SGK1: variants seen among roughly 807,000 people sequenced by gnomAD.
The protein encoded by SGK1 is serum/glucocorticoid regulated kinase 1.
In SGK1, 26 loss-of-function variants were observed where a neutral mutation model predicts 64.2. That is an observed-to-expected ratio of 0.40 (90% CI 0.30 to 0.56). SGK1 has a LOEUF of 0.56. Ranked by LOEUF, SGK1 falls within the 20% of genes least tolerant of loss-of-function variation. SGK1 has a pLI of 0.38. For synonymous variants in SGK1, 265 were observed against 239.7 expected (o/e 1.11, Z -0.98); for missense variants, 519 against 645.6 (o/e 0.80, Z 2.12).
chr6:134,312,552 C>A (rs1011958488), intron 1 of SGK1, among the ~76,000 whole-genome samples: 18 of 152,128 alleles, frequency 1.2e-4, no homozygotes, highest in Non-Finnish European at 2.9e-5. Context: ...CATTTCACTT[C>A]TCTGAACTTC....
chr6:134,190,080 C>T (rs1351352202), intron 3 of SGK1, among the ~76,000 whole-genome samples: 3 of 152,176 alleles, frequency 2.0e-5, no homozygotes, highest in Non-Finnish European at 4.4e-5. Context: ...AAACTCCTGA[C>T]CTCAAGTGAT....
intron 3 of SGK1, among the ~76,000 whole-genome samples, chr6:134,205,417 G>A (rs574451184): frequency 1.3e-5 from 2 of 151,538 alleles, no homozygotes; most frequent in Non-Finnish European, 2.9e-5. Context: ...TAGACCGTAA[G>A]TCTGGTCTTT....
intron 2 of SGK1, among the ~76,000 whole-genome samples, chr6:134,230,907 G>T (rs1252886567): frequency 6.6e-6 from 1 of 152,098 alleles, no homozygotes; most frequent in Non-Finnish European, 1.5e-5. Context: ...CCAGCTACTC[G>T]GGAGGCTAAG....
chr6:134,304,158 C>A (rs758742306), intron 1 of SGK1, among the ~76,000 whole-genome samples: 3 of 152,184 alleles, frequency 2.0e-5, no homozygotes, highest in Non-Finnish European at 4.4e-5. Flanking sequence ...CTTTCTGGCT[C>A]AGCTCAACCA....
intron 1 of SGK1, among the ~76,000 whole-genome samples, chr6:134,290,774 C>G (rs1233146776): frequency 6.6e-6 from 1 of 152,186 alleles, no homozygotes; most frequent in Non-Finnish European, 1.5e-5. Flanking sequence ...TTCAGGCTCT[C>G]TGCTTGAGCC....
chr6:134,220,913 C>T (rs1776080667), intron 2 of SGK1, among the ~76,000 whole-genome samples: 1 of 148,806 alleles, frequency 6.7e-6, no homozygotes, highest in South Asian at 2.1e-4. Flanking sequence ...ACCCGGGAGG[C>T]AGAGGTTGCA....
chr6:134,232,038 CA>C (rs60207020), intron 2 of SGK1, among the ~76,000 whole-genome samples: 11,811 of 102,418 alleles, frequency 0.12, 679 homozygotes, highest in East Asian at 0.33. Flanking sequence ...GACTTCATCT[CA>C]AAAAAAAAAA....
rs147631090 is a variant in SGK1 at position 134,235,640 on chromosome 6, C to T, written c.285+26293G>A. On this transcript the variant is annotated intron_variant, in intron 2 of 13. Transcript: ENST00000367858. ...AGGCTGCAGGGCAATGGCACGAGCT[C>T]GGCTCACTGCAACCTCCACCTCCAG... 1.3e-4 allele frequency among the ~76,000 whole-genome samples: 19 copies of T among 151,676 alleles called. 1 individual carries two copies. The highest frequency in any genetic ancestry group is 1.1e-3 in the Admixed American group (16 of 15,210).
chr6:134,309,716 G>A (rs1777584072), intron 1 of SGK1, among the ~76,000 whole-genome samples: 1 of 152,122 alleles, frequency 6.6e-6, no homozygotes, highest in East Asian at 1.9e-4. Flanking sequence ...TTCATCCCCA[G>A]GTTGGTGAGG....
At chr6:134,300,821 G>A (rs1293474324) in intron 1 of SGK1, among the ~76,000 whole-genome samples, 2 of 151,438 alleles carry the variant, frequency 1.3e-5, no homozygotes, top group East Asian at 4.0e-4. Flanking sequence ...TTAGTAGAGA[G>A]GGGGGTTTCA....
chr6:134,209,751 A>T (rs2114688580), intron 2 of SGK1, among the ~76,000 whole-genome samples: 1 of 152,260 alleles, frequency 6.6e-6, no homozygotes, highest in African/African-American at 2.4e-5. Context: ...ATCTCGGCTC[A>T]CTGCAACCTC....
chr6:134,224,736 A>G (rs1287646283), intron 2 of SGK1, among the ~76,000 whole-genome samples: 1 of 152,078 alleles, frequency 6.6e-6, no homozygotes, highest in Non-Finnish European at 1.5e-5. Context: ...GAAATTTTAT[A>G]ATATGGCCAG....
chr6:134,269,234 G>A (rs1225822889), intron 1 of SGK1, among the ~76,000 whole-genome samples: 1 of 147,118 alleles, frequency 6.8e-6, no homozygotes, highest in African/African-American at 2.4e-5. Flanking sequence ...CTCTTAAAAA[G>A]CCAAGAGAGC....
At chr6:134,202,146 T>C (rs1468030383) in intron 3 of SGK1, among the ~76,000 whole-genome samples, 2 of 152,190 alleles carry the variant, frequency 1.3e-5, no homozygotes, top group East Asian at 1.9e-4. Flanking sequence ...ATGTAAACAT[T>C]GTTGACTTCT....
chr6:134,174,256 A>G (rs1775135737), intron 4 of SGK1, 176 bp from the exon 5 acceptor site: 2 of 608,486 alleles, frequency 3.3e-6, no homozygotes, highest in Non-Finnish European at 5.8e-6. Flanking sequence ...AAATACAGAA[A>G]TAAGGATTGT....
intron 1 of SGK1, among the ~76,000 whole-genome samples, chr6:134,287,999 A>C (rs1777211747): frequency 6.6e-6 from 1 of 152,284 alleles, no homozygotes; most frequent in East Asian, 1.9e-4. Context: ...CTAAGATGTG[A>C]CTCTAATAGA....
intron 2 of SGK1, among the ~76,000 whole-genome samples, chr6:134,212,342 C>A (rs1020897849): frequency 1.3e-5 from 2 of 152,100 alleles, no homozygotes; most frequent in African/African-American, 4.8e-5. Flanking sequence ...CGTGAGCCAC[C>A]GCGCCCGGTG....
At chr6:134,252,828 C>T (rs1776626010) in intron 2 of SGK1, among the ~76,000 whole-genome samples, 1 of 152,040 alleles carries the variant, frequency 6.6e-6, no homozygotes, top group South Asian at 2.1e-4. Context: ...GACCATAATA[C>T]ATCATGCCAA....
At chr6:134,208,277 C>T (rs1272960124) in intron 2 of SGK1, among the ~76,000 whole-genome samples, 1 of 152,072 alleles carries the variant, frequency 6.6e-6, no homozygotes, top group African/African-American at 2.4e-5. Context: ...TGTACATATG[C>T]AATATGTATT....
Sources: gnomAD v4.1 joint callset for allele counts (sites outside exome capture counted in the v4.1 genomes callset) on GRCh38, gnomAD v4.1.1 for gene constraint, MANE v1.5 for transcripts, NCBI Gene and HGNC (gene_info 2026-07-23, HGNC 2026-07-21) for gene names.